The following CDH8 variants were observed in gnomAD, a reference collection of about 807,000 sequenced individuals.
CDH8 encodes cadherin-8.
Under a neutral mutation model 68.1 loss-of-function variants are expected in CDH8, and 17 were observed. That is an observed-to-expected ratio of 0.25 (90% CI 0.17 to 0.37). CDH8 has a LOEUF of 0.37. Ranked by LOEUF, CDH8 falls within the 10% of genes least tolerant of loss-of-function variation. The probability of loss-of-function intolerance (pLI) is 1.00; values close to 1 mark genes in which losing one functional copy is unlikely to be tolerated. For missense variants in CDH8, 763 were observed against 999.3 expected (o/e 0.76, Z 3.19); for synonymous variants, 372 against 365.1 (o/e 1.02, Z -0.21).
At chr16:61,740,164 C>A (rs774827819) in intron 8 of CDH8, among the ~76,000 whole-genome samples, 32 of 151,778 alleles carry the variant, frequency 2.1e-4, no homozygotes, top group Non-Finnish European at 4.1e-4. Flanking sequence ...CCTTGGCCTC[C>A]CAAAGTGCTG....
At chr16:61,812,449 T>C (rs895603177) in intron 7 of CDH8, among the ~76,000 whole-genome samples, 1 of 152,222 alleles carries the variant, frequency 6.6e-6, no homozygotes, top group Non-Finnish European at 1.5e-5. Context: ...ATTTCCACTT[T>C]TAACTTAAGC....
intron 2 of CDH8, among the ~76,000 whole-genome samples, chr16:61,997,566 A>T (rs1965825636): frequency 6.6e-6 from 1 of 152,228 alleles, no homozygotes; most frequent in Non-Finnish European, 1.5e-5. Context: ...TCTAATGAGA[A>T]ATAGAATTGT....
intron 10 of CDH8, among the ~76,000 whole-genome samples, chr16:61,702,297 G>A (rs972745572): frequency 3.2e-4 from 48 of 152,224 alleles, no homozygotes; most frequent in South Asian, 1.0e-3. Flanking sequence ...GCGTGAGCCC[G>A]GGAGGCGGAG....
chr16:61,931,031 T>C (rs1964532056), intron 2 of CDH8, among the ~76,000 whole-genome samples: 1 of 152,256 alleles, frequency 6.6e-6, no homozygotes, highest in Non-Finnish European at 1.5e-5. Context: ...TGAATAGTCA[T>C]GTCAAAGACA....
At chr16:61,910,118 CCA>C (rs1964135732) in intron 2 of CDH8, among the ~76,000 whole-genome samples, 1 of 151,652 alleles carries the variant, frequency 6.6e-6, no homozygotes, top group Admixed American at 6.6e-5. Context: ...ATATAAGAAC[CCA>C]CACACAAATG....
At chr16:61,769,267 G>C (rs1960717243) in intron 8 of CDH8, among the ~76,000 whole-genome samples, 2 of 151,764 alleles carry the variant, frequency 1.3e-5, no homozygotes, top group African/African-American at 2.4e-5. Context: ...TGGTCTTAAA[G>C]AATAAAAGTC....
intron 2 of CDH8, among the ~76,000 whole-genome samples, chr16:61,984,086 T>C (rs998087056): frequency 4.3e-4 from 66 of 152,014 alleles, no homozygotes; most frequent in African/African-American, 1.5e-3. Context: ...ACCTGGCTAA[T>C]TTTTGTATTT....
intron 1 of CDH8, among the ~76,000 whole-genome samples, chr16:62,031,004 G>A (rs1338552601): frequency 6.6e-6 from 1 of 152,048 alleles, no homozygotes; most frequent in African/African-American, 2.4e-5. Context: ...GAAGGAGAGA[G>A]GAAGTAAATT....
At chr16:61,985,594 G>T (rs1025365437) in intron 2 of CDH8, among the ~76,000 whole-genome samples, 1 of 152,162 alleles carries the variant, frequency 6.6e-6, no homozygotes. Flanking sequence ...CTGGATTCAA[G>T]CGATTCTCCT....
At position 61,652,651 on chromosome 16, in the gene CDH8, A is replaced by C; in HGVS notation, c.*957T>G. The C allele has an allele frequency of 8.9e-7, 1 of 1,119,976 alleles. No individual in the cohort carries two copies. The allele number at this position is 1,119,976 out of a possible 1,614,324, so 69.4% of individuals were successfully genotyped here. A position where few individuals can be genotyped will look rare whatever the true frequency, so the allele number is the denominator to read the frequency against. On this transcript the variant is annotated 3_prime_UTR_variant, in exon 12 of 12. Coordinates refer to ENST00000577390, the MANE Select transcript of CDH8 (RefSeq NM_001796.5). ...CATTGTATATATATTTATATAAAAC[A>C]ATCTAAAGGATTATTAATGGATATA...
intron 8 of CDH8, among the ~76,000 whole-genome samples, chr16:61,767,323 A>G (rs566693954): frequency 1.3e-5 from 2 of 152,094 alleles, no homozygotes; most frequent in Admixed American, 6.6e-5. Context: ...CATTCTAATT[A>G]TGAATTCATG....
intron 2 of CDH8, among the ~76,000 whole-genome samples, chr16:61,951,287 G>A (rs962322062): frequency 6.6e-5 from 10 of 151,926 alleles, no homozygotes; most frequent in South Asian, 2.1e-4. Context: ...TGAGGCAGGC[G>A]GATCACGAGG....
intron 8 of CDH8, among the ~76,000 whole-genome samples, chr16:61,727,806 C>G (rs1216573356): frequency 6.6e-6 from 1 of 151,106 alleles, no homozygotes; most frequent in Non-Finnish European, 1.5e-5. Context: ...TTAATATTGT[C>G]ATTTTCATGA....
chr16:61,745,164 C>T (rs371436956), intron 8 of CDH8, among the ~76,000 whole-genome samples: 4 of 150,904 alleles, frequency 2.7e-5, no homozygotes, highest in African/African-American at 9.7e-5. Flanking sequence ...AATATTTTGG[C>T]TTGGCAATTA....
chr16:61,781,792 C>A (rs1190465838), intron 8 of CDH8, among the ~76,000 whole-genome samples: 1 of 152,108 alleles, frequency 6.6e-6, no homozygotes, highest in Non-Finnish European at 1.5e-5. Flanking sequence ...TGGTAAATTA[C>A]TAAAAAAATT....
chr16:61,837,301 C>A (rs929890415), intron 4 of CDH8, among the ~76,000 whole-genome samples: 10 of 151,932 alleles, frequency 6.6e-5, no homozygotes, highest in African/African-American at 2.4e-4. Context: ...TGCATTTTTT[C>A]TTTATGTTTT....
At chr16:61,823,074 T>C (rs1962251462) in intron 5 of CDH8, among the ~76,000 whole-genome samples, 1 of 151,818 alleles carries the variant, frequency 6.6e-6, no homozygotes, top group Non-Finnish European at 1.5e-5. Flanking sequence ...AGGGAAAGAG[T>C]AGAAGAAATG....
chr16:61,921,517 C>T (rs1410192418), intron 2 of CDH8, among the ~76,000 whole-genome samples: 5 of 152,150 alleles, frequency 3.3e-5, no homozygotes, highest in African/African-American at 1.2e-4. Flanking sequence ...TTCAGAAAAT[C>T]TGTCCCCGAA....
At chr16:61,906,072 A>G (rs1176381625) in intron 2 of CDH8, among the ~76,000 whole-genome samples, 1 of 152,106 alleles carries the variant, frequency 6.6e-6, no homozygotes, top group African/African-American at 2.4e-5. Context: ...AAATAAGAAT[A>G]AGAGAGCAAG....
Sources: gnomAD v4.1 joint callset for allele counts (sites outside exome capture counted in the v4.1 genomes callset) on GRCh38, gnomAD v4.1.1 for gene constraint, MANE v1.5 for transcripts, NCBI Gene and HGNC (gene_info 2026-07-23, HGNC 2026-07-21) for gene names.